The following FGF14 variants were observed in gnomAD, a reference collection of about 807,000 sequenced individuals.
The protein encoded by FGF14 is fibroblast growth factor 14.
FGF14 carries 5 observed loss-of-function variants against 25.5 expected under a neutral mutation model. That is an observed-to-expected ratio of 0.20 (90% CI 0.10 to 0.41). The LOEUF (loss-of-function observed/expected upper bound fraction) is 0.41, where lower values mean the gene tolerates loss of function less well. Ranked by LOEUF, FGF14 falls within the 10% of genes least tolerant of loss-of-function variation. The pLI is 1.00. For missense variants in FGF14, 222 were observed against 320.1 expected (o/e 0.69, Z 2.34); for synonymous variants, 138 against 118.3 (o/e 1.17, Z -1.08).
chr13:102,117,207 A>G (rs1005444729), intron 1 of FGF14, among the ~76,000 whole-genome samples: 2 of 152,154 alleles, frequency 1.3e-5, no homozygotes, highest in African/African-American at 4.8e-5. Flanking sequence ...TGCAGGGACT[A>G]TTCAGCTCTC....
At chr13:102,118,533 T>C (rs952303184) in intron 1 of FGF14, among the ~76,000 whole-genome samples, 1 of 152,132 alleles carries the variant, frequency 6.6e-6, no homozygotes, top group Non-Finnish European at 1.5e-5. Flanking sequence ...AATTTCAAGA[T>C]GAGCCTGAGA....
At chr13:102,263,131 G>A in intron 1 of FGF14, 1 of 616,782 alleles carries the variant, frequency 1.6e-6, no homozygotes. Flanking sequence ...ACTGGGGAAT[G>A]GGATGATTTT....
chr13:102,308,417 G>T (rs1393615462), intron 1 of FGF14, among the ~76,000 whole-genome samples: 1 of 152,136 alleles, frequency 6.6e-6, no homozygotes, highest in African/African-American at 2.4e-5. Context: ...CAGGGGTACT[G>T]ATTTATACTT....
intron 1 of FGF14, among the ~76,000 whole-genome samples, chr13:101,937,830 C>A (rs1056819599): frequency 1.3e-5 from 2 of 152,144 alleles, no homozygotes; most frequent in Non-Finnish European, 1.5e-5. Context: ...AGTCTATCGA[C>A]CTTGTGATCT....
rs187404252 is a variant in FGF14 at position 102,288,030 on chromosome 13, T to C, written c.208+113441A>G. Reference sequence around the variant, plus strand: ...GCATTTGCATCAGAGAATAAAGTAGTCTTTGAAGTTGAATCTCTCTAAGAG... The same window carrying C: ...GCATTTGCATCAGAGAATAAAGTAGCCTTTGAAGTTGAATCTCTCTAAGAG... On this transcript the variant is annotated intron_variant, in intron 1 of 4. Coordinates refer to the FGF14 transcript ENST00000376131. 2.0e-4 allele frequency among the ~76,000 whole-genome samples: 31 copies of C among 152,364 alleles called. 1 individual carries two copies. In the East Asian group the frequency reaches 3.9e-3, roughly 19 times the overall value.
At chr13:102,024,254 G>T (rs1464361808) in intron 1 of FGF14, among the ~76,000 whole-genome samples, 1 of 152,008 alleles carries the variant, frequency 6.6e-6, no homozygotes, top group Admixed American at 6.6e-5. Flanking sequence ...AACGCATGAG[G>T]ATTCTAATTC....
At chr13:102,302,613 G>GC (rs1318925651) in intron 1 of FGF14, among the ~76,000 whole-genome samples, 2 of 152,062 alleles carry the variant, frequency 1.3e-5, no homozygotes, top group African/African-American at 4.8e-5. Context: ...CTTAAATGTT[G>GC]CATGTCTGAA....
chr13:101,779,973 T>C (rs557521367), intron 3 of FGF14, among the ~76,000 whole-genome samples: 77 of 152,284 alleles, frequency 5.1e-4, no homozygotes, highest in African/African-American at 1.8e-3. Context: ...CTCCCTTCTC[T>C]GTGGTTCTAT....
intron 1 of FGF14, among the ~76,000 whole-genome samples, chr13:102,161,393 A>G (rs1218390986): frequency 6.6e-6 from 1 of 152,084 alleles, no homozygotes; most frequent in African/African-American, 2.4e-5. Context: ...CTGTCTTGTC[A>G]CCACTGTATC....
intron 3 of FGF14, among the ~76,000 whole-genome samples, chr13:101,730,319 C>T (rs555297169): frequency 7.9e-5 from 12 of 152,168 alleles, no homozygotes; most frequent in South Asian, 4.1e-4. Context: ...TGTGTGTTCA[C>T]GTTAATAGTT....
chr13:102,132,436 G>A (rs537114133), intron 1 of FGF14, among the ~76,000 whole-genome samples: 2 of 152,030 alleles, frequency 1.3e-5, no homozygotes, highest in South Asian at 2.1e-4. Context: ...TGGACATACA[G>A]AATCTAGCAA....
chr13:101,799,482 A>G (rs2040745380), intron 3 of FGF14, among the ~76,000 whole-genome samples: 1 of 152,138 alleles, frequency 6.6e-6, no homozygotes, highest in Admixed American at 6.6e-5. Context: ...CTCTTTGCAT[A>G]GTTTAGTGCT....
chr13:102,012,636 A>G (rs2040140397), intron 1 of FGF14, among the ~76,000 whole-genome samples: 1 of 152,210 alleles, frequency 6.6e-6, no homozygotes, highest in South Asian at 2.1e-4. Context: ...AATACCAAAC[A>G]AAGCAAAACA....
At chr13:102,224,723 G>A (rs1011561235) in intron 1 of FGF14, among the ~76,000 whole-genome samples, 1 of 152,102 alleles carries the variant, frequency 6.6e-6, no homozygotes, top group African/African-American at 2.4e-5. Context: ...ACTACATAAT[G>A]TATTTCCATC....
chr13:102,128,204 C>T (rs2046031397), intron 1 of FGF14, among the ~76,000 whole-genome samples: 2 of 152,196 alleles, frequency 1.3e-5, no homozygotes, highest in African/African-American at 4.8e-5. Context: ...ATGATAGAAG[C>T]ATTTAATCCA....
intron 3 of FGF14, among the ~76,000 whole-genome samples, chr13:101,801,685 C>A (rs1021118636): frequency 6.6e-6 from 1 of 152,118 alleles, no homozygotes; most frequent in Non-Finnish European, 1.5e-5. Flanking sequence ...CAAGCTCCAG[C>A]AAGAACTGAG....
intron 1 of FGF14, among the ~76,000 whole-genome samples, chr13:102,324,220 G>A (rs138665216): frequency 9.7e-4 from 148 of 152,156 alleles, no homozygotes; most frequent in African/African-American, 3.4e-3. Flanking sequence ...AGGAATGGAG[G>A]GAGAGAACCC....
At chr13:102,357,531 G>A (rs2057453405) in intron 1 of FGF14, among the ~76,000 whole-genome samples, 1 of 152,192 alleles carries the variant, frequency 6.6e-6, no homozygotes, top group African/African-American at 2.4e-5. Flanking sequence ...AGTATGTTCT[G>A]CAGTCAGACT....
At chr13:101,782,910 G>A (rs1363997028) in intron 3 of FGF14, among the ~76,000 whole-genome samples, 3 of 152,178 alleles carry the variant, frequency 2.0e-5, no homozygotes, top group Non-Finnish European at 4.4e-5. Context: ...GGATTGCTGA[G>A]TCAAATGGCA....
Sources: gnomAD v4.1 joint callset for allele counts (sites outside exome capture counted in the v4.1 genomes callset) on GRCh38, gnomAD v4.1.1 for gene constraint, MANE v1.5 for transcripts, NCBI Gene and HGNC (gene_info 2026-07-23, HGNC 2026-07-21) for gene names.